Variants in FHOD3 observed in about 807,000 individuals in gnomAD.
FHOD3 encodes FH1/FH2 domain-containing protein 3.
FHOD3 carries 90 observed loss-of-function variants against 173.0 expected under a neutral mutation model. The observed-to-expected ratio is 0.52, with a 90% CI of 0.44 to 0.62. The LOEUF is 0.62. FHOD3 is among the 20% of genes least tolerant of loss of function. FHOD3 has a pLI of 0.00. For synonymous variants in FHOD3, 828 were observed against 823.0 expected, an observed-to-expected ratio of 1.01 and a Z score of -0.10; for missense variants, 1,945 against 2,034.7, an observed-to-expected ratio of 0.96 and a Z score of 0.85.
At chr18:36,705,995 G>A (rs564957369) in intron 17 of FHOD3, among the ~76,000 whole-genome samples, 203 of 146,796 alleles carry the variant, frequency 1.4e-3, no homozygotes, top group South Asian at 3.1e-3. Flanking sequence ...GTGTGTGCAC[G>A]GAGAGAAGTA....
chr18:36,299,356 C>G (rs2144315955), intron 1 of FHOD3, among the ~76,000 whole-genome samples: 1 of 152,308 alleles, frequency 6.6e-6, no homozygotes, highest in East Asian at 1.9e-4. Flanking sequence ...CTGGATTCAG[C>G]TGATCAGAAT....
At chr18:36,649,265 C>T in intron 10 of FHOD3, 51 bp from the exon 11 acceptor site, 2 of 1,370,652 alleles carry the variant, frequency 1.5e-6, no homozygotes, top group East Asian at 5.1e-5. Flanking sequence ...ATGCTCATCT[C>T]ACTTTTCCAT....
chr18:36,299,855 A>C (rs1053506624), intron 1 of FHOD3, among the ~76,000 whole-genome samples: 1 of 152,196 alleles, frequency 6.6e-6, no homozygotes, highest in Non-Finnish European at 1.5e-5. Context: ...CCTGCAGTAT[A>C]TTTAGATGTC....
intron 9 of FHOD3, among the ~76,000 whole-genome samples, chr18:36,617,583 C>T (rs77649433): frequency 8.6e-6 from 1 of 116,244 alleles, no homozygotes; most frequent in African/African-American, 2.8e-5. Context: ...TTGTACTTCC[C>T]TGTGTGTGTG....
chr18:36,342,014 A>G (rs538815927), intron 1 of FHOD3, among the ~76,000 whole-genome samples: 4 of 152,354 alleles, frequency 2.6e-5, no homozygotes, highest in Admixed American at 2.0e-4. Context: ...AAGGAATTTT[A>G]ACAAAACAAA....
chr18:36,728,702 TG>T (rs1390379879), intron 19 of FHOD3, among the ~76,000 whole-genome samples: 2 of 152,204 alleles, frequency 1.3e-5, no homozygotes, highest in Non-Finnish European at 2.9e-5. Context: ...GGACTTAAGC[TG>T]GGCTTGAGCC....
chr18:36,306,960 G>T (rs552089797), intron 1 of FHOD3, among the ~76,000 whole-genome samples: 218 of 152,048 alleles, frequency 1.4e-3, no homozygotes, highest in African/African-American at 4.9e-3. Context: ...TCCTATTTTT[G>T]AGCTTTATTT....
At chr18:36,512,741 T>C (rs550165924) in intron 5 of FHOD3, among the ~76,000 whole-genome samples, 198 bp downstream of exon 5, 2 of 152,298 alleles carry the variant, frequency 1.3e-5, no homozygotes, top group South Asian at 4.1e-4. Context: ...ACTGTGCTAA[T>C]TTTTACTGAC....
intron 28 of FHOD3, among the ~76,000 whole-genome samples, chr18:36,773,856 G>C (rs1372507082): frequency 1.3e-5 from 2 of 152,132 alleles, no homozygotes; most frequent in Non-Finnish European, 2.9e-5. Flanking sequence ...TTTACCCCCA[G>C]AATGCTTGCA....
rs187493634 is a variant in FHOD3 at position 36,483,080 on chromosome 18, G to A, written c.338-18852G>A. ...TGCAGCTCCAAGGCTCCCCATCCTG[G>A]CTCTGGAGCAGCCAGGAAGACTGCT... On this transcript the variant is annotated intron_variant, in intron 3 of 28. Coordinates refer to ENST00000590592, the MANE Select transcript of FHOD3 (RefSeq NM_001281740.3). Among the ~76,000 whole-genome samples, 299 of 152,290 alleles carry A rather than the reference G, an allele frequency of 2.0e-3. 2 individuals carry two copies. The highest frequency in any genetic ancestry group is 0.014 in the Middle Eastern group (4 of 294).
rs1049161881 is a variant in FHOD3 at position 36,779,804 on chromosome 18, T to G, written c.*274T>G. The G allele has an allele frequency of 9.6e-6, 5 of 519,308 alleles. No homozygotes were observed. The highest frequency in any genetic ancestry group is 6.8e-5 in the Admixed American group (2 of 29,282). The allele number at this position is 519,308 out of a possible 1,614,324, so 32.2% of individuals were successfully genotyped here. ...ATTAGTTCAAAAGTGTGACACCTTT[T>G]CTGGGCAAGGAACAGCCCCTTTAAG... On this transcript the variant is annotated 3_prime_UTR_variant, in exon 29 of 29. Transcript: ENST00000590592.
chr18:36,701,446 G>A (rs4799880), intron 17 of FHOD3, among the ~76,000 whole-genome samples: 55,202 of 151,940 alleles, frequency 0.36, 10,148 homozygotes, highest in South Asian at 0.47. Context: ...TACTACAGTA[G>A]CATTATATAC....
At chr18:36,466,538 A>G (rs942081016) in intron 3 of FHOD3, among the ~76,000 whole-genome samples, 1 of 152,192 alleles carries the variant, frequency 6.6e-6, no homozygotes, top group Admixed American at 6.5e-5. Flanking sequence ...AATGGGGGGA[A>G]TATCTTGAGG....
intron 9 of FHOD3, among the ~76,000 whole-genome samples, chr18:36,612,301 C>T (rs1294626717): frequency 6.6e-6 from 1 of 152,198 alleles, no homozygotes; most frequent in Non-Finnish European, 1.5e-5. Flanking sequence ...CCAGGAGAGT[C>T]TGATGCATAT....
chr18:36,584,717 G>A (rs1023036313), intron 6 of FHOD3, among the ~76,000 whole-genome samples: 2 of 152,154 alleles, frequency 1.3e-5, no homozygotes, highest in Non-Finnish European at 2.9e-5. Flanking sequence ...GAGACAGGAA[G>A]ATCCCTGGAT....
rs369307142 is a variant in FHOD3, at chr18:36,432,284, G to A, written c.337+59540G>A. ...AATGCCAGCTGGATGCTAGTTTAAA[G>A]ATTTTTTCTTTTGCTCTTTATTTAA... is the stretch of plus-strand genomic sequence containing the variant. On this transcript the variant is annotated intron_variant, in intron 3 of 28. Transcript: ENST00000590592. Among the ~76,000 whole-genome samples, 10 of 152,154 alleles carry A rather than the reference G, an allele frequency of 6.6e-5. 1 individual carries two copies. The highest frequency in any genetic ancestry group is 3.3e-4 in the Admixed American group (5 of 15,290).
chr18:36,535,543 G>T (rs2056961554), intron 5 of FHOD3, among the ~76,000 whole-genome samples: 1 of 152,176 alleles, frequency 6.6e-6, no homozygotes, highest in South Asian at 2.1e-4. Flanking sequence ...TAATTGATTT[G>T]CCTGAAGCCA....
At chr18:36,503,390 C>T (rs1007220616) in intron 4 of FHOD3, among the ~76,000 whole-genome samples, 3 of 152,194 alleles carry the variant, frequency 2.0e-5, no homozygotes, top group Non-Finnish European at 4.4e-5. Context: ...CAGTGAGAGC[C>T]AGAGTAGATT....
chr18:36,713,205 G>T (rs553973124), intron 18 of FHOD3, among the ~76,000 whole-genome samples: 20 of 152,324 alleles, frequency 1.3e-4, no homozygotes, highest in African/African-American at 4.6e-4. Flanking sequence ...GAAAGCAGGG[G>T]TAAATAGACT....
Sources: gnomAD v4.1 joint callset for allele counts (sites outside exome capture counted in the v4.1 genomes callset) on GRCh38, gnomAD v4.1.1 for gene constraint, MANE v1.5 for transcripts, NCBI Gene and HGNC (gene_info 2026-07-23, HGNC 2026-07-21) for gene names.